FAM83B: variants seen among roughly 807,000 people sequenced by gnomAD.
FAM83B encodes scaffolding CK1 anchoring protein B, also known as protein FAM83B.
Under a neutral mutation model 38.8 loss-of-function variants are expected in FAM83B, and 26 were observed. That is an observed-to-expected ratio of 0.67 (90% confidence interval 0.49 to 0.93). The LOEUF (loss-of-function observed/expected upper bound fraction) is 0.93, where lower values mean the gene tolerates loss of function less well. Ranked by LOEUF, FAM83B falls within the 40% of genes least tolerant of loss-of-function variation. The pLI is 0.00. For synonymous variants in FAM83B, 419 were observed against 423.1 expected, an observed-to-expected ratio of 0.99 and a Z score of 0.12; for missense variants, 1,237 against 1,197.3, an observed-to-expected ratio of 1.03 and a Z score of -0.49.
At chr6:54,905,318 A>G (rs1772753669) in intron 2 of FAM83B, among the ~76,000 whole-genome samples, 1 of 152,214 alleles carries the variant, frequency 6.6e-6, no homozygotes, top group Non-Finnish European at 1.5e-5. Context: ...TGAAGCTCTC[A>G]GTACGTGTGC....
chr6:54,881,368 T>C (rs1772127002), intron 2 of FAM83B, among the ~76,000 whole-genome samples: 1 of 152,140 alleles, frequency 6.6e-6, no homozygotes, highest in East Asian at 1.9e-4. Flanking sequence ...GTAAGAAAAA[T>C]TGGTAACTGT....
chr6:54,929,436 A>G (rs1773376040), intron 4 of FAM83B, among the ~76,000 whole-genome samples: 1 of 152,152 alleles, frequency 6.6e-6, no homozygotes, highest in Non-Finnish European at 1.5e-5. Context: ...ACAGTTACAC[A>G]TTGTGTGACA....
intron 2 of FAM83B, among the ~76,000 whole-genome samples, chr6:54,889,056 T>C (rs554634681): frequency 1.3e-5 from 2 of 152,232 alleles, no homozygotes; most frequent in East Asian, 3.9e-4. Context: ...TAAACCCATC[T>C]GTTGAGTTTT....
rs144474594 is a variant in FAM83B at position 54,870,277 on chromosome 6, A to G, written c.31A>G (p.Asn11Asp). Residue 11 changes from asparagine to aspartate, a missense_variant, in exon 2 of 5, where the codon AAT becomes GAT. Coordinates refer to ENST00000306858, the MANE Select transcript of FAM83B (RefSeq NM_001010872.3). The stretch of plus-strand genomic sequence containing the variant: ...GACCTCATCAATGCTTTCCTCATTG[A>G]ATGATGAGTGTAAATCTGACAACTA... METSSMLSSL[N>D]DECKSDNYIE... 7.4e-6 allele frequency: 12 copies of G among 1,613,734 alleles called. No individual in the cohort carries two copies. Among genetic ancestry groups the G allele is most frequent in the African/African-American group, 1.3e-5 (1 of 74,902 alleles).
At chr6:54,936,363 T>A (rs745349809) in intron 4 of FAM83B, among the ~76,000 whole-genome samples, 1 of 152,074 alleles carries the variant, frequency 6.6e-6, no homozygotes, top group Non-Finnish European at 1.5e-5. Flanking sequence ...ACATGAAGTC[T>A]TTTGGTTCTT....
chr6:54,914,554 C>T (rs1772991246), intron 2 of FAM83B, among the ~76,000 whole-genome samples: 1 of 152,082 alleles, frequency 6.6e-6, no homozygotes, highest in Non-Finnish European at 1.5e-5. Flanking sequence ...ACCCCTAATC[C>T]TGAGTCAAAC....
At chr6:54,846,461 G>A (rs1458679860), upstream of FAM83B, among the ~76,000 whole-genome samples, 2 of 152,190 alleles carry the variant, frequency 1.3e-5, no homozygotes, top group Admixed American at 1.3e-4. Context: ...GCAGGGTGTC[G>A]GGACTTGTAA....
Position 54,941,079 on chromosome 6 carries a change from T to G in FAM83B, c.2108T>G (p.Leu703Trp), listed in dbSNP as rs769810728. 2 of 1,613,342 alleles carry G rather than the reference T, an allele frequency of 1.2e-6. No individual in the cohort carries two copies. The highest frequency in any genetic ancestry group is 2.2e-5 in the East Asian group (1 of 44,858). ...VRQPEKPKED[L>W]LKSSKSMHNV... ...CAACCAGAAAAGCCCAAAGAAGATTTGCTGAAAAGTTCTAAAAGCATGCAC... is the reference window on the plus strand; with the variant it reads ...CAACCAGAAAAGCCCAAAGAAGATTGGCTGAAAAGTTCTAAAAGCATGCAC... The change falls in exon 5 of 5, where the codon TTG (leucine) becomes TGG (tryptophan). Residue 703 changes from leucine to tryptophan, a missense_variant. Leu to Trp is a moderately conservative substitution (Grantham distance 61). Transcript: ENST00000306858.
chr6:54,930,008 C>T (rs1024469711), intron 4 of FAM83B, among the ~76,000 whole-genome samples: 1 of 152,072 alleles, frequency 6.6e-6, no homozygotes, highest in African/African-American at 2.4e-5. Context: ...CCTTAAATAA[C>T]ATGATTATGT....
chr6:54,893,771 T>C (rs1772457896), intron 2 of FAM83B, among the ~76,000 whole-genome samples: 1 of 152,180 alleles, frequency 6.6e-6, no homozygotes, highest in African/African-American at 2.4e-5. Flanking sequence ...AGAACCTTCT[T>C]AAGTTTAGTG....
chr6:54,855,592 T>A (rs1771428526), intron 1 of FAM83B, among the ~76,000 whole-genome samples: 1 of 152,208 alleles, frequency 6.6e-6, no homozygotes. Context: ...TTCTATATTT[T>A]GTTTATGGAG....
At chr6:54,914,386 TC>T (rs1311906709) in intron 2 of FAM83B, among the ~76,000 whole-genome samples, 1 of 152,188 alleles carries the variant, frequency 6.6e-6, no homozygotes, top group African/African-American at 2.4e-5. Context: ...TTACATTCTG[TC>T]TCACCCTAGA....
At chr6:54,887,019 G>A (rs531006902) in intron 2 of FAM83B, among the ~76,000 whole-genome samples, 23 of 151,894 alleles carry the variant, frequency 1.5e-4, no homozygotes, top group Middle Eastern at 3.4e-3. Context: ...TCTTTTTGTC[G>A]TTGAATTTTA....
intron 2 of FAM83B, among the ~76,000 whole-genome samples, chr6:54,896,182 G>T (rs1038621567): frequency 6.6e-6 from 1 of 151,872 alleles, no homozygotes; most frequent in Non-Finnish European, 1.5e-5. Flanking sequence ...GAGCCACCGT[G>T]CCTGGCAACA....
chr6:54,918,138 A>G (rs543166580), intron 2 of FAM83B, among the ~76,000 whole-genome samples: 1 of 152,316 alleles, frequency 6.6e-6, no homozygotes, highest in African/African-American at 2.4e-5. Flanking sequence ...AAGTGATTCT[A>G]TGGTAATGAA....
At chr6:54,873,801 A>G (rs1771923669) in intron 2 of FAM83B, among the ~76,000 whole-genome samples, 1 of 152,046 alleles carries the variant, frequency 6.6e-6, no homozygotes, top group Admixed American at 6.6e-5. Context: ...CACCGTCAAA[A>G]CAGAACCCAG....
Position 54,944,664 on chromosome 6 carries a change from C to G in FAM83B, c.*2657C>G, listed in dbSNP as rs111924621. The G allele has an allele frequency of 6.0e-4, 92 of 152,244 alleles. No homozygotes were observed. Among genetic ancestry groups the G allele is most frequent in the African/African-American group, 2.1e-3 (86 of 41,544 alleles). The allele number at this position is 152,244 out of a possible 1,614,324, so 9.4% of individuals were successfully genotyped here. The stretch of plus-strand genomic sequence containing the variant: ...GGATGAATTCAGCTTTACTCAAGAT[C>G]CACATATTCAAGTATCATTCCACAG... On this transcript the variant is annotated 3_prime_UTR_variant, in exon 5 of 5. Transcript: ENST00000306858.
At chr6:54,927,130 T>C (rs1163232157) in intron 3 of FAM83B, among the ~76,000 whole-genome samples, 1 of 152,168 alleles carries the variant, frequency 6.6e-6, no homozygotes, top group African/African-American at 2.4e-5. Flanking sequence ...GCTTCTATGG[T>C]TCAGCATGTA....
At chr6:54,891,256 T>C (rs943107198) in intron 2 of FAM83B, among the ~76,000 whole-genome samples, 1 of 152,180 alleles carries the variant, frequency 6.6e-6, no homozygotes, top group Non-Finnish European at 1.5e-5. Flanking sequence ...TAGGCTACTG[T>C]CGTCCACATG....
Sources: allele counts gnomAD v4.1 joint callset (sites outside exome capture counted in the v4.1 genomes callset), GRCh38; gene constraint gnomAD v4.1.1; transcripts MANE v1.5; gene names NCBI Gene and HGNC (gene_info 2026-07-23, HGNC 2026-07-21).